SLC8A3: variants seen among roughly 807,000 people sequenced by gnomAD.
SLC8A3 encodes solute carrier family 8 member A3, also known as sodium/calcium exchanger 3.
Under a neutral mutation model 65.4 loss-of-function variants are expected in SLC8A3, and 37 were observed. That is an observed-to-expected ratio of 0.57 (90% CI 0.44 to 0.74). The LOEUF (loss-of-function observed/expected upper bound fraction) is 0.74. Ranked by LOEUF, SLC8A3 falls within the 30% of genes least tolerant of loss-of-function variation. The probability of loss-of-function intolerance (pLI) is 0.00; values close to 1 mark genes in which losing one functional copy is unlikely to be tolerated. For synonymous variants in SLC8A3, 461 were observed against 444.5 expected, an observed-to-expected ratio of 1.04 and a Z score of -0.47; for missense variants, 1,112 against 1,172.1, an observed-to-expected ratio of 0.95 and a Z score of 0.75.
At chr14:70,118,002 T>C (rs1468732542) in intron 2 of SLC8A3, among the ~76,000 whole-genome samples, 1 of 152,230 alleles carries the variant, frequency 6.6e-6, no homozygotes, top group African/African-American at 2.4e-5. Flanking sequence ...TGCTTCCCCA[T>C]TGGCCTGCAT....
intron 2 of SLC8A3, among the ~76,000 whole-genome samples, chr14:70,072,658 T>C (rs1358356897): frequency 6.6e-6 from 1 of 150,566 alleles, no homozygotes; most frequent in Non-Finnish European, 1.5e-5. Context: ...TTTTCTTTTT[T>C]TGTGAGAGAA....
chr14:70,050,804 A>C (rs1887404519), intron 5 of SLC8A3, among the ~76,000 whole-genome samples: 1 of 152,212 alleles, frequency 6.6e-6, no homozygotes, highest in Non-Finnish European at 1.5e-5. Flanking sequence ...CAGTTCACAC[A>C]GCAGAACAAC....
chr14:70,156,315 T>C (rs1416816020), intron 2 of SLC8A3, among the ~76,000 whole-genome samples: 1 of 152,246 alleles, frequency 6.6e-6, no homozygotes, highest in African/African-American at 2.4e-5. Context: ...CTTATTAGGA[T>C]TGGCCCAGTA....
At chr14:70,082,581 C>G (rs1404921936) in intron 2 of SLC8A3, among the ~76,000 whole-genome samples, 1 of 152,218 alleles carries the variant, frequency 6.6e-6, no homozygotes, top group Non-Finnish European at 1.5e-5. Flanking sequence ...CCCTCTTCCT[C>G]TTCCGAACCT....
At chr14:70,149,928 T>G (rs192212977) in intron 2 of SLC8A3, among the ~76,000 whole-genome samples, 3 of 152,314 alleles carry the variant, frequency 2.0e-5, no homozygotes, top group African/African-American at 7.2e-5. Context: ...GCCTGTCATG[T>G]TCCCTGACAT....
intron 2 of SLC8A3, among the ~76,000 whole-genome samples, chr14:70,112,040 T>C (rs1682416807): frequency 6.6e-6 from 1 of 152,158 alleles, no homozygotes; most frequent in Admixed American, 6.5e-5. Context: ...CTCTTTTTAG[T>C]AGGGTAGAGG....
intron 2 of SLC8A3, among the ~76,000 whole-genome samples, chr14:70,135,513 G>C (rs1895131107): frequency 1.3e-5 from 2 of 152,086 alleles, no homozygotes; most frequent in South Asian, 4.2e-4. Flanking sequence ...TGGATGAATG[G>C]ATAAAGAAGA....
Position 70,167,947 on chromosome 14 carries a change from C to G in SLC8A3, c.476G>C (p.Gly159Ala). 4 of 1,614,154 alleles carry G rather than the reference C, an allele frequency of 2.5e-6. No homozygotes were observed. Among genetic ancestry groups the G allele is most frequent in the Non-Finnish European group, 3.4e-6 (4 of 1,180,012 alleles). The stretch of plus-strand genomic sequence containing the variant: ...AGGTCCCAGATCACCAGCAATGAAC[C>G]CATGACCACACACCTCAATTAAAGA... The part of the protein sequence containing the change: ...LLSLIEVCGH[G>A]FIAGDLGPST... Residue 159 changes from glycine to alanine, a missense_variant, in exon 2 of 7, where the codon GGG becomes GCG. Transcript: ENST00000356921.
At chr14:70,148,062 G>GAGTAT (rs1204657287) in intron 2 of SLC8A3, among the ~76,000 whole-genome samples, 1 of 152,130 alleles carries the variant, frequency 6.6e-6, no homozygotes, top group African/African-American at 2.4e-5. Context: ...ACTATACTTT[G>GAGTAT]AGTATCCAGA....
At chr14:70,050,979 C>T (rs777909697) in intron 5 of SLC8A3, 29 bp downstream of exon 5, 7 of 1,492,014 alleles carry the variant, frequency 4.7e-6, no homozygotes, top group Middle Eastern at 1.7e-4. Flanking sequence ...CTGCTTCTCC[C>T]AGCAAGGCCA....
At chr14:70,084,337 C>T (rs185091885) in intron 2 of SLC8A3, among the ~76,000 whole-genome samples, 1 of 152,310 alleles carries the variant, frequency 6.6e-6, no homozygotes, top group Admixed American at 6.5e-5. Flanking sequence ...TTCTTTAGCA[C>T]ACCCTCCATT....
At chr14:70,083,640 T>C (rs1440648414) in intron 2 of SLC8A3, among the ~76,000 whole-genome samples, 1 of 152,254 alleles carries the variant, frequency 6.6e-6, no homozygotes, top group Admixed American at 6.5e-5. Context: ...CACTTCTGTT[T>C]ACAGTTATTT....
intron 2 of SLC8A3, among the ~76,000 whole-genome samples, chr14:70,119,608 G>T (rs1893907016): frequency 1.3e-5 from 2 of 152,226 alleles, no homozygotes; most frequent in Admixed American, 1.3e-4. Context: ...CATTTTCTCA[G>T]ATCAGAAGCT....
chr14:70,067,506 G>GCC (rs1283844010), intron 2 of SLC8A3, among the ~76,000 whole-genome samples: 1 of 152,168 alleles, frequency 6.6e-6, no homozygotes, highest in Non-Finnish European at 1.5e-5. Context: ...TAGTCCCAGT[G>GCC]CCCAGCACAG....
rs369774742 is a variant in SLC8A3, at chr14:70,048,930, G to C, written c.2226C>G (p.Pro742=). 224 of 1,614,060 alleles carry C rather than the reference G, an allele frequency of 1.4e-4. 1 individual carries two copies. Among genetic ancestry groups the C allele is most frequent in the Non-Finnish European group, 1.1e-4 (133 of 1,180,034 alleles). ...FWKVLFACVP[P]TEYCHGWACF... is the part of the protein sequence containing the mutation. ...AGGCCCAGCCGTGGCAGTACTCTGT[G>C]GGGGGCACACAGGCAAACAGCACCT... is the stretch of plus-strand genomic sequence containing the variant. Residue 742 remains proline, a synonymous_variant, in exon 6 of 7, where the codon CCC becomes CCG. Transcript: ENST00000356921.
intron 2 of SLC8A3, among the ~76,000 whole-genome samples, chr14:70,095,446 G>A (rs1021156653): frequency 7.9e-5 from 12 of 152,178 alleles, no homozygotes; most frequent in African/African-American, 2.4e-5. Flanking sequence ...TTCTCCATCT[G>A]TGAAAAGCAC....
At chr14:70,101,264 G>T (rs1892532264) in intron 2 of SLC8A3, among the ~76,000 whole-genome samples, 1 of 152,210 alleles carries the variant, frequency 6.6e-6, no homozygotes, top group South Asian at 2.1e-4. Context: ...AAGAGTATGT[G>T]ATGGGGGATG....
intron 1 of SLC8A3, among the ~76,000 whole-genome samples, chr14:70,179,266 T>C (rs986711897): frequency 5.3e-5 from 8 of 152,226 alleles, no homozygotes; most frequent in Admixed American, 2.0e-4. Flanking sequence ...ACATCACTTT[T>C]CGTTTTCTTT....
At chr14:70,064,906 G>A (rs562982625) in intron 2 of SLC8A3, among the ~76,000 whole-genome samples, 1 of 152,006 alleles carries the variant, frequency 6.6e-6, no homozygotes, top group South Asian at 2.1e-4. Context: ...GTAGACCTGG[G>A]CCTCTCCAGA....
Sources: gnomAD v4.1 joint callset for allele counts (sites outside exome capture counted in the v4.1 genomes callset) on GRCh38, gnomAD v4.1.1 for gene constraint, MANE v1.5 for transcripts, NCBI Gene and HGNC (gene_info 2026-07-23, HGNC 2026-07-21) for gene names.